STK32B: variants seen among roughly 807,000 people sequenced by gnomAD.
STK32B encodes serine/threonine-protein kinase 32B.
STK32B carries 43 observed loss-of-function variants against 52.6 expected under a neutral mutation model. That is an observed-to-expected ratio of 0.82 (90% CI 0.64 to 1.05). The LOEUF (loss-of-function observed/expected upper bound fraction) is 1.05, where lower values mean the gene tolerates loss of function less well. STK32B is among the 50% of genes least tolerant of loss of function. The pLI, the probability that STK32B is intolerant of heterozygous loss-of-function variation, is 0.00. For missense variants in STK32B, 621 were observed against 534.6 expected, an observed-to-expected ratio of 1.16 and a Z score of -1.59; for synonymous variants, 238 against 204.3, an observed-to-expected ratio of 1.17 and a Z score of -1.41.
chr4:5,489,877 C>T (rs1226631307), intron 11 of STK32B, among the ~76,000 whole-genome samples: 1 of 152,042 alleles, frequency 6.6e-6, no homozygotes, highest in African/African-American at 2.4e-5. Context: ...CTGGCTACAT[C>T]AGATTTTATT....
At position 5,178,204 on chromosome 4, in the gene STK32B, C is replaced by A. The variant is rs1190669643; in HGVS notation, c.260+9754C>A. On this transcript the variant is annotated intron_variant, in intron 3 of 11. Transcript: ENST00000282908. Reference sequence around the variant, plus strand: ...AATCTAGGCAGAGGTTCACAAACCTCAGTTCTTGATTTCTATGCATCCATA... The same window carrying A: ...AATCTAGGCAGAGGTTCACAAACCTAAGTTCTTGATTTCTATGCATCCATA... Among the ~76,000 whole-genome samples, 3 of 152,238 alleles carry A rather than the reference C, an allele frequency of 2.0e-5. No homozygotes were observed. The East Asian group carries it at 5.8e-4, about 29-fold the overall frequency.
intron 8 of STK32B, 147 bp from the exon 9 acceptor site, chr4:5,459,956 C>T (rs566531832): frequency 8.1e-7 from 1 of 1,232,436 alleles, no homozygotes; most frequent in South Asian, 1.4e-5. Flanking sequence ...ATGGCGCTTC[C>T]AACAACAGTG....
At chr4:5,225,654 C>T (rs1222807201) in intron 3 of STK32B, among the ~76,000 whole-genome samples, 5 of 152,082 alleles carry the variant, frequency 3.3e-5, no homozygotes, top group Non-Finnish European at 5.9e-5. Flanking sequence ...AGCATTTAGC[C>T]AGCACTTTCT....
intron 1 of STK32B, among the ~76,000 whole-genome samples, chr4:5,085,856 A>G (rs1712703597): frequency 6.6e-6 from 1 of 152,110 alleles, no homozygotes; most frequent in Non-Finnish European, 1.5e-5. Flanking sequence ...ATAACAACCC[A>G]TGTGCCTTGT....
At chr4:5,259,254 C>T (rs1726545557) in intron 3 of STK32B, among the ~76,000 whole-genome samples, 2 of 152,294 alleles carry the variant, frequency 1.3e-5, no homozygotes, top group Non-Finnish European at 2.9e-5. Flanking sequence ...AGAGTGTAAG[C>T]TCCATGAGGA....
chr4:5,179,754 A>C (rs1254709768), intron 3 of STK32B, among the ~76,000 whole-genome samples: 1 of 152,246 alleles, frequency 6.6e-6, no homozygotes, highest in Non-Finnish European at 1.5e-5. Context: ...AAACTTGCTT[A>C]AGCACAAAAG....
chr4:5,109,588 T>C (rs1411403895), intron 1 of STK32B, among the ~76,000 whole-genome samples: 1 of 152,106 alleles, frequency 6.6e-6, no homozygotes, highest in East Asian at 1.9e-4. Context: ...CAGTCCTCCA[T>C]GATAAGAGCC....
chr4:5,146,051 GT>G (rs1260706159), intron 2 of STK32B, among the ~76,000 whole-genome samples: 125 of 117,398 alleles, frequency 1.1e-3, no homozygotes, highest in Middle Eastern at 4.6e-3. Context: ...GGGTCAAGTT[GT>G]TTTTTTTTTT....
At chr4:5,075,179 G>A (rs972351013) in intron 1 of STK32B, among the ~76,000 whole-genome samples, 2 of 152,120 alleles carry the variant, frequency 1.3e-5, no homozygotes, top group African/African-American at 4.8e-5. Context: ...TTGGAATAAA[G>A]GGTGTAAATG....
intron 1 of STK32B, chr4:5,139,641 G>A: frequency 2.1e-6 from 1 of 474,182 alleles, no homozygotes; most frequent in South Asian, 3.1e-5. Context: ...GTGGGGTAGA[G>A]AGTGAAGCAG....
At chr4:5,248,722 T>C (rs140165506) in intron 3 of STK32B, among the ~76,000 whole-genome samples, 35 of 152,250 alleles carry the variant, frequency 2.3e-4, no homozygotes, top group Admixed American at 2.1e-3. Flanking sequence ...GTGGCACATA[T>C]ACACCGTGGA....
At chr4:5,142,762 G>C (rs1367961353) in intron 2 of STK32B, among the ~76,000 whole-genome samples, 2 of 152,174 alleles carry the variant, frequency 1.3e-5, no homozygotes, top group Non-Finnish European at 2.9e-5. Context: ...AGGCCGTGGT[G>C]CCCAGATGTT....
intron 1 of STK32B, 66 bp from the exon 2 acceptor site, chr4:5,139,839 G>A (rs906982351): frequency 4.3e-5 from 69 of 1,588,354 alleles, no homozygotes; most frequent in Admixed American, 3.3e-5. Context: ...CATAGGTAAG[G>A]ATATTCAAGG....
At chr4:5,075,332 G>C (rs1426818463) in intron 1 of STK32B, among the ~76,000 whole-genome samples, 1 of 152,046 alleles carries the variant, frequency 6.6e-6, no homozygotes, top group Non-Finnish European at 1.5e-5. Flanking sequence ...TTCTTAATTT[G>C]GTGGATTTGA....
chr4:5,201,737 GGA>G (rs1722166213), intron 3 of STK32B, among the ~76,000 whole-genome samples: 1 of 152,178 alleles, frequency 6.6e-6, no homozygotes, highest in Non-Finnish European at 1.5e-5. Flanking sequence ...GGTGGCAGTA[GGA>G]GAGAGAGCCA....
At chr4:5,065,501 G>A (rs529510625) in intron 1 of STK32B, among the ~76,000 whole-genome samples, 8 of 152,236 alleles carry the variant, frequency 5.3e-5, no homozygotes, top group South Asian at 2.1e-4. Context: ...ACACCATCCC[G>A]CTGAATGCCA....
At chr4:5,372,422 C>G (rs1295878772) in intron 4 of STK32B, among the ~76,000 whole-genome samples, 1 of 152,120 alleles carries the variant, frequency 6.6e-6, no homozygotes, top group Admixed American at 6.5e-5. Flanking sequence ...TGCAGGAGCC[C>G]TGAAGCTTCA....
intron 1 of STK32B, among the ~76,000 whole-genome samples, chr4:5,096,409 TG>T (rs1713395769): frequency 6.6e-6 from 1 of 152,220 alleles, no homozygotes; most frequent in Non-Finnish European, 1.5e-5. Context: ...TCCCCACCGT[TG>T]GGAGTGGCCA....
At chr4:5,419,931 C>T (rs1014603396) in intron 6 of STK32B, among the ~76,000 whole-genome samples, 2 of 152,104 alleles carry the variant, frequency 1.3e-5, no homozygotes, top group Non-Finnish European at 1.5e-5. Context: ...TAATAGGCAA[C>T]TTGTTTTTGG....
Sources: gnomAD v4.1 joint callset for allele counts (sites outside exome capture counted in the v4.1 genomes callset) on GRCh38, gnomAD v4.1.1 for gene constraint, MANE v1.5 for transcripts, NCBI Gene and HGNC (gene_info 2026-07-23, HGNC 2026-07-21) for gene names.